The following DAB1 variants were observed in gnomAD, a reference collection of about 807,000 sequenced individuals.
DAB1 encodes the protein disabled homolog 1.
Under a neutral mutation model 64.6 loss-of-function variants are expected in DAB1, and 15 were observed. That is an observed-to-expected ratio of 0.23 (90% confidence interval 0.16 to 0.36). The LOEUF is 0.36. Ranked by LOEUF, DAB1 falls within the 10% of genes least tolerant of loss-of-function variation. The probability of loss-of-function intolerance (pLI) is 1.00; values close to 1 mark genes in which losing one functional copy is unlikely to be tolerated. For missense variants in DAB1, 596 were observed against 706.7 expected (o/e 0.84, Z 1.78); for synonymous variants, 235 against 251.9 (o/e 0.93, Z 0.64).
At chr1:57,397,158 A>G (rs954372453) in intron 1 of DAB1, among the ~76,000 whole-genome samples, 1 of 152,186 alleles carries the variant, frequency 6.6e-6, no homozygotes, top group Non-Finnish European at 1.5e-5. Context: ...AAAATTTGGG[A>G]AAGAAAACAC....
chr1:57,829,327 G>A (rs1652488061), intron 1 of DAB1, among the ~76,000 whole-genome samples: 1 of 152,200 alleles, frequency 6.6e-6, no homozygotes, highest in South Asian at 2.1e-4. Context: ...AGTCAGAAAT[G>A]TTTTGTGGTT....
intron 6 of DAB1, among the ~76,000 whole-genome samples, chr1:57,667,854 C>T (rs1399375203): frequency 2.6e-5 from 4 of 151,888 alleles, no homozygotes; most frequent in Non-Finnish European, 5.9e-5. Context: ...GGGAGGGTAA[C>T]AACACACACT....
chr1:57,457,100 G>A (rs17426492), intron 7 of DAB1, among the ~76,000 whole-genome samples: 3,590 of 152,220 alleles, frequency 0.024, 65 homozygotes, highest in Middle Eastern at 0.054. Flanking sequence ...ACAAAGAAAC[G>A]AGGGATCCTG....
chr1:58,454,902 C>A (rs759854310), intron 3 of DAB1, among the ~76,000 whole-genome samples: 1 of 152,204 alleles, frequency 6.6e-6, no homozygotes, highest in Non-Finnish European at 1.5e-5. Flanking sequence ...TCCTACCACC[C>A]CAAGAGCAGA....
At chr1:57,948,048 G>A (rs953544421) in intron 5 of DAB1, among the ~76,000 whole-genome samples, 8 of 152,000 alleles carry the variant, frequency 5.3e-5, no homozygotes, top group Admixed American at 3.3e-4. Context: ...CTTGACCTGG[G>A]GTCCCTCTCT....
chr1:57,291,252 T>C, intron 1 of DAB1, 86 bp from the exon 2 acceptor site: 1 of 388,866 alleles, frequency 2.6e-6, no homozygotes, highest in Non-Finnish European at 4.6e-6. Flanking sequence ...GGCAAACATA[T>C]ACAAACAAAA....
chr1:57,189,284 A>G (rs1436833235), intron 2 of DAB1, among the ~76,000 whole-genome samples: 2 of 152,206 alleles, frequency 1.3e-5, no homozygotes, highest in African/African-American at 2.4e-5. Context: ...ATCAACATTT[A>G]TCAGAGAAAC....
intron 4 of DAB1, among the ~76,000 whole-genome samples, chr1:58,189,198 A>G (rs181823738): frequency 1.0e-3 from 156 of 152,316 alleles, no homozygotes; most frequent in Non-Finnish European, 5.6e-4. Flanking sequence ...ATCAACCACA[A>G]GCTTCTTCAA....
rs192372350 is a variant in DAB1, at chr1:57,569,775, T to C, written n.625+79817A>G. ...AAAAAAAAAGAAAATATCTTCATTTTATTTCCTTTCTCCTTTATCATGTGA... is the reference window on the plus strand; with the variant it reads ...AAAAAAAAAGAAAATATCTTCATTTCATTTCCTTTCTCCTTTATCATGTGA... On this transcript the variant is annotated intron_variant and non_coding_transcript_variant, in intron 7 of 20. Coordinates refer to the DAB1 transcript ENST00000485760. Among the ~76,000 whole-genome samples, 6 of 152,302 alleles carry C rather than the reference T, an allele frequency of 3.9e-5. No individual in the cohort carries two copies. The East Asian group carries it at 1.2e-3, about 29-fold the overall frequency.
intron 5 of DAB1, among the ~76,000 whole-genome samples, chr1:57,979,154 G>A (rs979764713): frequency 6.6e-6 from 1 of 152,112 alleles, no homozygotes; most frequent in African/African-American, 2.4e-5. Context: ...CAAAGACTTG[G>A]AACTAACCCA....
intron 4 of DAB1, among the ~76,000 whole-genome samples, chr1:57,116,969 C>T (rs1656194677): frequency 6.6e-6 from 1 of 152,316 alleles, no homozygotes; most frequent in East Asian, 1.9e-4. Context: ...TCCCGGCACT[C>T]TGCAAACATT....
rs1173752210 is a variant in DAB1 at position 58,131,611 on chromosome 1, G to C, written n.387+18900C>G. On this transcript the variant is annotated intron_variant and non_coding_transcript_variant, in intron 5 of 20. Coordinates refer to the DAB1 transcript ENST00000485760. ...GTTTTATCTACTTTTGGTCTTTGAT[G>C]ATGGTGATGTATAGATGGGTTTTTG... Among the ~76,000 whole-genome samples the C allele has an allele frequency of 2.3e-5, 3 of 132,848 alleles. 1 individual carries two copies. The highest frequency in any genetic ancestry group is 9.6e-5 in the African/African-American group (3 of 31,196). 87.2% of individuals were successfully genotyped at this position (132,848 alleles called of 152,430 possible).
intron 4 of DAB1, among the ~76,000 whole-genome samples, chr1:58,252,446 A>C (rs1660826304): frequency 6.6e-6 from 1 of 152,218 alleles, no homozygotes; most frequent in South Asian, 2.1e-4. Flanking sequence ...TAAAGCACTC[A>C]AGATATAAAA....
chr1:57,654,694 C>T (rs71642134), intron 6 of DAB1, among the ~76,000 whole-genome samples: 377 of 144,560 alleles, frequency 2.6e-3, no homozygotes, highest in Non-Finnish European at 4.6e-3. Context: ...GTAAATTTTG[C>T]TCTTTTTAAA....
At chr1:57,126,947 C>T (rs1466252344) in intron 4 of DAB1, among the ~76,000 whole-genome samples, 7 of 152,170 alleles carry the variant, frequency 4.6e-5, no homozygotes, top group African/African-American at 9.7e-5. Flanking sequence ...TATGACACCA[C>T]GTTCCTTTAC....
chr1:58,527,431 A>C (rs1569955212), intron 1 of DAB1: 2 of 695,658 alleles, frequency 2.9e-6, no homozygotes, highest in East Asian at 5.2e-5. Flanking sequence ...TTCATGGAGT[A>C]TCTAGGATAA....
At chr1:57,024,569 G>C (rs1048215201) in intron 10 of DAB1, among the ~76,000 whole-genome samples, 1 of 152,124 alleles carries the variant, frequency 6.6e-6, no homozygotes, top group Non-Finnish European at 1.5e-5. Flanking sequence ...TTGTTCTGAG[G>C]ATTATTAAAT....
In DAB1 at chr1:57,796,560, AATC is replaced by A. The variant is rs1219820996; in HGVS notation, n.551+87436_551+87438del. On this transcript the variant is annotated intron_variant and non_coding_transcript_variant, in intron 6 of 20. Transcript: ENST00000485760. The stretch of plus-strand genomic sequence containing the variant: ...CAATGATAATAATAATAATAATAAT[AATC>A]ATAATCATAATCCATTTATTGGATA... Among the ~76,000 whole-genome samples the A allele has an allele frequency of 3.8e-3, 508 of 133,172 alleles. 2 individuals carry two copies. Among genetic ancestry groups the A allele is most frequent in the African/African-American group, 0.02 (487 of 24,696 alleles). 87.4% of individuals were successfully genotyped at this position (133,172 alleles called of 152,430 possible).
intron 6 of DAB1, among the ~76,000 whole-genome samples, chr1:57,664,843 A>G (rs1173092769): frequency 6.6e-6 from 1 of 152,114 alleles, no homozygotes; most frequent in African/African-American, 2.4e-5. Flanking sequence ...AGAATGCATA[A>G]TGATGAGCCT....
Sources: allele counts gnomAD v4.1 joint callset (sites outside exome capture counted in the v4.1 genomes callset), GRCh38; gene constraint gnomAD v4.1.1; transcripts MANE v1.5; gene names NCBI Gene and HGNC (gene_info 2026-07-23, HGNC 2026-07-21).